Variants in PCDH9 observed in about 807,000 individuals in gnomAD.
PCDH9 encodes the protein protocadherin 9.
A neutral mutation model predicts 70.6 loss-of-function variants in PCDH9; 24 were observed. The ratio of observed to expected loss-of-function variants is 0.34; its 90% CI spans 0.25 to 0.48. The LOEUF (loss-of-function observed/expected upper bound fraction) is 0.48. Among genes scored for constraint, PCDH9 ranks in the 20% least tolerant of loss-of-function variants. PCDH9 has a pLI of 0.99. For synonymous variants in PCDH9, 562 were observed against 558.5 expected (o/e 1.01, Z -0.09); for missense variants, 1,281 against 1,503.6 (o/e 0.85, Z 2.45).
intron 2 of PCDH9, among the ~76,000 whole-genome samples, chr13:66,908,533 T>C (rs1425620540): frequency 6.6e-6 from 1 of 152,202 alleles, no homozygotes; most frequent in Non-Finnish European, 1.5e-5. Context: ...AGAAAAGATC[T>C]CTTAGAACAC....
intron 3 of PCDH9, among the ~76,000 whole-genome samples, chr13:66,817,424 C>A (rs1014719003): frequency 1.7e-4 from 26 of 151,846 alleles, no homozygotes; most frequent in African/African-American, 5.8e-4. Context: ...TCTAATGAAC[C>A]CTTCACAATA....
chr13:66,401,233 G>A (rs1054277076), intron 4 of PCDH9, among the ~76,000 whole-genome samples: 2 of 152,176 alleles, frequency 1.3e-5, no homozygotes, highest in Admixed American at 1.3e-4. Context: ...TAATCCCCAT[G>A]TGTTGGGGTG....
chr13:66,335,408 C>T (rs1185705139), intron 4 of PCDH9, among the ~76,000 whole-genome samples: 1 of 152,038 alleles, frequency 6.6e-6, no homozygotes, highest in Admixed American at 6.6e-5. Flanking sequence ...TAGATAATAA[C>T]AGCAACACTC....
intron 2 of PCDH9, among the ~76,000 whole-genome samples, chr13:67,151,581 G>C (rs182706483): frequency 7.2e-5 from 11 of 152,240 alleles, no homozygotes; most frequent in Admixed American, 4.6e-4. Flanking sequence ...AACACTGTTA[G>C]AGTTAGAAGA....
At chr13:67,001,691 G>A (rs2084248330) in intron 2 of PCDH9, among the ~76,000 whole-genome samples, 1 of 152,160 alleles carries the variant, frequency 6.6e-6, no homozygotes, top group Non-Finnish European at 1.5e-5. Flanking sequence ...AGAGGGGACG[G>A]CAGAGTCCCC....
chr13:66,695,584 T>G lies in PCDH9; in HGVS notation c.3139-64173A>C, dbSNP rs528286246. Among the ~76,000 whole-genome samples the G allele has an allele frequency of 3.7e-4, 57 of 152,324 alleles. 1 individual carries two copies. Among genetic ancestry groups the G allele is most frequent in the African/African-American group, 1.4e-3 (57 of 41,580 alleles). On this transcript the variant is annotated intron_variant, in intron 3 of 4. Transcript: ENST00000377865. ...CATAATTACATAGCAAGAGAGGTTT[T>G]GAAATCAGTTTAGATACTGTGCTAT...
At chr13:66,801,789 G>A (rs768320670) in intron 3 of PCDH9, among the ~76,000 whole-genome samples, 6 of 151,978 alleles carry the variant, frequency 3.9e-5, no homozygotes, top group Non-Finnish European at 8.8e-5. Context: ...AGCAAGTGGA[G>A]AGTAATCTTG....
intron 4 of PCDH9, among the ~76,000 whole-genome samples, chr13:66,491,804 T>G (rs539283422): frequency 4.8e-4 from 73 of 152,162 alleles, no homozygotes; most frequent in Non-Finnish European, 8.2e-4. Flanking sequence ...ATGGTCCATT[T>G]CTCTCTTCCT....
chr13:66,319,813 G>A (rs1955720900), intron 4 of PCDH9, among the ~76,000 whole-genome samples: 1 of 152,030 alleles, frequency 6.6e-6, no homozygotes, highest in East Asian at 1.9e-4. Context: ...GCTATTTTGA[G>A]AATCACCTGG....
intron 3 of PCDH9, among the ~76,000 whole-genome samples, chr13:66,880,863 T>C (rs2081909879): frequency 6.6e-6 from 1 of 152,244 alleles, no homozygotes; most frequent in Admixed American, 6.5e-5. Context: ...AGAAAATTTC[T>C]GATAATATTG....
intron 4 of PCDH9, among the ~76,000 whole-genome samples, chr13:66,612,461 A>G (rs575559654): frequency 6.6e-6 from 1 of 152,348 alleles, no homozygotes; most frequent in African/African-American, 2.4e-5. Flanking sequence ...TGTTTCCTGG[A>G]CTTGCAAATA....
chr13:67,031,810 C>T (rs260146), intron 2 of PCDH9, among the ~76,000 whole-genome samples: 2 of 152,034 alleles, frequency 1.3e-5, no homozygotes, highest in African/African-American at 4.8e-5. Flanking sequence ...TTTATTGGAG[C>T]ATTAGAAATG....
At chr13:66,747,579 T>C (rs572276250) in intron 3 of PCDH9, among the ~76,000 whole-genome samples, 84 of 152,258 alleles carry the variant, frequency 5.5e-4, no homozygotes, top group Non-Finnish European at 1.1e-3. Context: ...AAATTAAGAA[T>C]ATACTTATTA....
At chr13:66,929,246 T>C (rs765555398) in intron 2 of PCDH9, among the ~76,000 whole-genome samples, 2 of 151,876 alleles carry the variant, frequency 1.3e-5, no homozygotes, top group Non-Finnish European at 2.9e-5. Context: ...GATTTCTTAT[T>C]TTATTATGAT....
intron 4 of PCDH9, among the ~76,000 whole-genome samples, chr13:66,593,678 C>G (rs1009379336): frequency 2.6e-5 from 4 of 151,728 alleles, no homozygotes; most frequent in South Asian, 4.2e-4. Context: ...TTACAAATAT[C>G]TGTGGAAAAC....
intron 2 of PCDH9, among the ~76,000 whole-genome samples, chr13:66,919,285 G>T (rs1346412672): frequency 6.6e-6 from 1 of 151,152 alleles, no homozygotes; most frequent in Admixed American, 6.6e-5. Flanking sequence ...AAATATTTCA[G>T]CTGAGATTTC....
At chr13:66,543,668 A>G (rs1197390636) in intron 4 of PCDH9, among the ~76,000 whole-genome samples, 1 of 152,180 alleles carries the variant, frequency 6.6e-6, no homozygotes, top group Non-Finnish European at 1.5e-5. Flanking sequence ...AAAGTTAAAG[A>G]GGGTATACAG....
chr13:67,073,130 G>A lies in PCDH9; in HGVS notation c.3036+152275C>T, dbSNP rs755561286. Among the ~76,000 whole-genome samples the A allele has an allele frequency of 3.9e-5, 6 of 152,172 alleles. No homozygotes were observed. The South Asian group carries it at 6.2e-4, about 16-fold the overall frequency. ...GGAGCTAGTTAAAATTGCAGGTTAC[G>A]TGGTATATATGTCCAAATAGTCTCA... On this transcript the variant is annotated intron_variant, in intron 2 of 4. Coordinates refer to ENST00000377865, the MANE Select transcript of PCDH9 (RefSeq NM_203487.3).
At chr13:67,080,585 G>A (rs910995770) in intron 2 of PCDH9, among the ~76,000 whole-genome samples, 1 of 152,258 alleles carries the variant, frequency 6.6e-6, no homozygotes, top group African/African-American at 2.4e-5. Flanking sequence ...AGCTGTTAAG[G>A]TTCAATGTGA....
Sources: allele counts gnomAD v4.1 joint callset (sites outside exome capture counted in the v4.1 genomes callset), GRCh38; gene constraint gnomAD v4.1.1; transcripts MANE v1.5; gene names NCBI Gene and HGNC (gene_info 2026-07-23, HGNC 2026-07-21).